Variants in PSG9 observed in about 807,000 individuals in gnomAD.
The protein encoded by PSG9 is pregnancy specific beta-1-glycoprotein 9.
A neutral mutation model predicts 41.9 loss-of-function variants in PSG9; 49 were observed. The observed-to-expected ratio is 1.17, with a 90% CI of 0.93 to 1.48. The LOEUF is 1.48. Among genes scored for constraint, PSG9 ranks in the 40% most tolerant of loss-of-function variants. The pLI is 0.00. For synonymous variants in PSG9, 263 were observed against 196.8 expected (o/e 1.34, Z -2.82); for missense variants, 641 against 520.3 (o/e 1.23, Z -2.26).
intron 5 of PSG9, 173 bp downstream of exon 5, chr19:43,258,029 C>T: frequency 2.6e-6 from 4 of 1,552,426 alleles, no homozygotes; most frequent in Non-Finnish European, 3.5e-6. Context: ...AACAGAAAAA[C>T]AAGGAGAAGA....
chr19:43,266,814 G>A (rs1311634318), intron 2 of PSG9, among the ~76,000 whole-genome samples: 2 of 152,096 alleles, frequency 1.3e-5, no homozygotes, highest in Admixed American at 1.3e-4. Flanking sequence ...ATGTGACCCT[G>A]ATCTCCCCTT....
rs140853035 is a variant in PSG9, at chr19:43,258,307, A to G, written c.1138T>C (p.Phe380Leu). 1.2e-4 allele frequency: 190 copies of G among 1,592,832 alleles called. 30 individuals are homozygous for G. The African/African-American group carries it at 2.3e-3, about 19-fold the overall frequency. The change falls in exon 5 of 6, where the codon TTT (phenylalanine) becomes CTT (leucine). Residue 380 changes from phenylalanine to leucine, a missense_variant. Coordinates refer to ENST00000270077, the MANE Select transcript of PSG9 (RefSeq NM_002784.5). The stretch of plus-strand genomic sequence containing the variant: ...TGATTTCTAGTAATTTGGGGGATAA[A>G]GAGCTTTTGTCCTGATTGCTGAAAC... Reference protein sequence around the residue: ...GKFQQSGQKLFIPQITRNHSG... With the variant: ...GKFQQSGQKLLIPQITRNHSG...
chr19:43,257,919 T>A (rs1292180794), intron 5 of PSG9: 1 of 1,415,548 alleles, frequency 7.1e-7, no homozygotes, highest in African/African-American at 1.5e-5. Flanking sequence ...GGACTCTCCT[T>A]CTTGTCCCTC....
At chr19:43,266,000 AG>A (rs1457128731) in intron 2 of PSG9, among the ~76,000 whole-genome samples, 1 of 151,870 alleles carries the variant, frequency 6.6e-6, no homozygotes, top group East Asian at 1.9e-4. Flanking sequence ...GCCTAGTTAG[AG>A]GGAATGTCTG....
intron 2 of PSG9, among the ~76,000 whole-genome samples, chr19:43,267,258 A>T (rs145042370): frequency 6.6e-6 from 1 of 152,100 alleles, no homozygotes; most frequent in African/African-American, 2.4e-5. Flanking sequence ...TGGCTGGTGA[A>T]CAGCTCCAGG....
intron 3 of PSG9, chr19:43,260,372 C>G (rs900330993): frequency 2.0e-5 from 3 of 147,152 alleles, no homozygotes; most frequent in African/African-American, 7.7e-5. Flanking sequence ...TTGTCATATA[C>G]TTACTGGTTT....
rs962372531 is a variant in PSG9, at chr19:43,262,437, C to T, written c.431-299G>A. ...CCCCTGATGCCTCTTTGAGTCCCTC[C>T]GTCTCCAACTGCCTGACTGGCCCAA... On this transcript the variant is annotated intron_variant, in intron 2 of 5. Transcript: ENST00000270077. Among the ~76,000 whole-genome samples, 7 of 152,138 alleles carry T rather than the reference C, an allele frequency of 4.6e-5. 1 individual carries two copies. The highest frequency in any genetic ancestry group is 7.2e-5 in the African/African-American group (3 of 41,426).
chr19:43,260,645 TG>T (rs1568414554), intron 3 of PSG9: 1 of 126,808 alleles, frequency 7.9e-6, no homozygotes, highest in Non-Finnish European at 1.6e-5. Flanking sequence ...CCACCTTTTC[TG>T]GTTGCATCTT....
chr19:43,264,958 G>C (rs1156324358), intron 2 of PSG9, among the ~76,000 whole-genome samples: 1 of 152,054 alleles, frequency 6.6e-6, no homozygotes, highest in Non-Finnish European at 1.5e-5. Flanking sequence ...TGTGCTTTGG[G>C]GACTGCAGGC....
At chr19:43,268,952 G>A (rs1474856693) in intron 1 of PSG9, among the ~76,000 whole-genome samples, 2 of 152,026 alleles carry the variant, frequency 1.3e-5, no homozygotes, top group African/African-American at 2.4e-5. Flanking sequence ...TTTGACCCCT[G>A]TCCCTCTCTG....
chr19:43,253,723 C>G, intron 5 of PSG9, 77 bp from the exon 6 acceptor site: 2 of 893,804 alleles, frequency 2.2e-6, no homozygotes, highest in Non-Finnish European at 3.4e-6. Context: ...TTCCTACAGG[C>G]TCCCAGGAAG....
At chr19:43,259,490 C>G (rs576509070) in intron 3 of PSG9, 50 of 291,082 alleles carry the variant, frequency 1.7e-4, no homozygotes, top group Middle Eastern at 1.0e-3. Flanking sequence ...TGTGCAACTG[C>G]TGGGCCCCTT....
At chr19:43,262,207 C>T (rs1462120787) in intron 2 of PSG9, 69 bp from the exon 3 acceptor site, 2 of 1,561,122 alleles carry the variant, frequency 1.3e-6, no homozygotes, top group Non-Finnish European at 8.7e-7. Context: ...ATTTTTCAGT[C>T]AGAGTTGGCA....
chr19:43,253,889 G>A (rs1382999042), intron 5 of PSG9, among the ~76,000 whole-genome samples: 1 of 146,154 alleles, frequency 6.8e-6, no homozygotes, highest in Non-Finnish European at 1.5e-5. Flanking sequence ...TCTGCATAGT[G>A]TTCTGTGGGT....
chr19:43,259,732 T>A (rs1184321517), intron 3 of PSG9: 2 of 150,692 alleles, frequency 1.3e-5, no homozygotes, highest in African/African-American at 5.2e-5. Context: ...GTGGGGCAGT[T>A]TTTTGCAGGT....
At chr19:43,267,231 C>T (rs180783268) in intron 2 of PSG9, among the ~76,000 whole-genome samples, 7 of 152,234 alleles carry the variant, frequency 4.6e-5, no homozygotes, top group African/African-American at 1.7e-4. Flanking sequence ...CCAGATGAGA[C>T]TCTGAGGGCT....
chr19:43,264,198 A>G (rs557510953), intron 2 of PSG9, among the ~76,000 whole-genome samples: 1 of 151,956 alleles, frequency 6.6e-6, no homozygotes, highest in Non-Finnish European at 1.5e-5. Context: ...CTGGTCCCCA[A>G]AAACCACCAG....
chr19:43,268,054 G>A lies in PSG9; in HGVS notation c.160C>T (p.Leu54Phe). ...AGATTCTGGGGCAAATTGTGGACAA[G>A]TAGAAGAACATCCTTCCCCTCAGAA... is the stretch of plus-strand genomic sequence containing the variant. ...KVSEGKDVLL[L>F]VHNLPQNLPG... Residue 54 changes from leucine (L) to phenylalanine (F), a missense_variant, in exon 2 of 6, where the codon CTT becomes TTT. Physicochemically the swap from Leu to Phe is conservative, Grantham distance 22 (BLOSUM62 0). Coordinates refer to ENST00000270077, the MANE Select transcript of PSG9 (RefSeq NM_002784.5). 1 of 1,613,862 alleles carries A rather than the reference G, an allele frequency of 6.2e-7. No individual in the cohort carries two copies. Among genetic ancestry groups the A allele is most frequent in the Non-Finnish European group, 8.5e-7 (1 of 1,179,878 alleles).
chr19:43,257,396 C>A, intron 5 of PSG9: 5 of 976,400 alleles, frequency 5.1e-6, no homozygotes, highest in Non-Finnish European at 6.0e-6. Flanking sequence ...TTTGGCACTG[C>A]CCCTTTCCTG....
Sources: gnomAD v4.1 joint callset for allele counts (sites outside exome capture counted in the v4.1 genomes callset) on GRCh38, gnomAD v4.1.1 for gene constraint, MANE v1.5 for transcripts, NCBI Gene and HGNC (gene_info 2026-07-23, HGNC 2026-07-21) for gene names.